PDGFRB: variants seen among roughly 807,000 people sequenced by gnomAD.
PDGFRB encodes the protein platelet derived growth factor receptor beta, also known as platelet-derived growth factor receptor beta.
Under a neutral mutation model 120.2 loss-of-function variants are expected in PDGFRB, and 42 were observed. The ratio of observed to expected loss-of-function variants is 0.35; its 90% CI spans 0.27 to 0.45. The LOEUF (loss-of-function observed/expected upper bound fraction) is 0.45. Ranked by LOEUF, PDGFRB falls within the 20% of genes least tolerant of loss-of-function variation. The probability of loss-of-function intolerance (pLI) is 1.00; values close to 1 mark genes in which losing one functional copy is unlikely to be tolerated. For missense variants in PDGFRB, 1,149 were observed against 1,476.3 expected (o/e 0.78, Z 3.63); for synonymous variants, 586 against 606.8 (o/e 0.97, Z 0.50).
At position 150,124,809 on chromosome 5, in the gene PDGFRB, G is replaced by A; in HGVS notation, c.1830C>T (p.Ala610=). The A allele has an allele frequency of 6.2e-7, 1 of 1,606,090 alleles. No homozygotes were observed. The highest frequency in any genetic ancestry group is 1.3e-5 in the African/African-American group (1 of 74,888). The change falls in exon 13 of 23, where the codon GCC becomes GCT. Residue 610 remains alanine (A), a synonymous_variant. Coordinates refer to ENST00000261799, the MANE Select transcript of PDGFRB (RefSeq NM_002609.4). ...CCGTGGCCTCCACCACCTGCCCAAA[G>A]GCCCCAGAGCCGAGGGTGCGTCCTG... ...LVLGRTLGSG[A]FGQVVEATAH...
intron 1 of PDGFRB, among the ~76,000 whole-genome samples, chr5:150,138,882 C>T (rs1394550288): frequency 1.3e-5 from 2 of 152,244 alleles, no homozygotes; most frequent in African/African-American, 4.8e-5. Flanking sequence ...TTCCCTGCCC[C>T]TCCTCTCCCA....
chr5:150,124,740 G>C lies in PDGFRB; in HGVS notation c.1899C>G (p.Val633=). 3 of 1,555,824 alleles carry C rather than the reference G, an allele frequency of 1.9e-6. No individual in the cohort carries two copies. Among genetic ancestry groups the C allele is most frequent in the Non-Finnish European group, 2.7e-6 (3 of 1,129,758 alleles). ...AGGACTACTCACATTTAAGCATCTT[G>C]ACGGCCACTTTCATCGTGGCCTGAG... The part of the protein sequence containing the change: ...SHSQATMKVA[V]KMLKSTARSS... Residue 633 remains valine (V), a synonymous_variant, in exon 13 of 23, where the codon GTC becomes GTG. Transcript: ENST00000261799.
Position 150,130,604 on chromosome 5 carries a change from G to C in PDGFRB, c.1302C>G (p.Val434=), listed in dbSNP as rs768678050. 3.7e-6 allele frequency: 6 copies of C among 1,612,766 alleles called. No homozygotes were observed. The Admixed American group carries it at 1.0e-4, about 27-fold the overall frequency. Residue 434 remains valine (V), a synonymous_variant, in exon 9 of 23, where the codon GTC becomes GTG. Coordinates refer to ENST00000261799, the MANE Select transcript of PDGFRB (RefSeq NM_002609.4). ...GGGGCATGCCCCGGCCACGACAGCG[G>C]ACTGTCTGTTCCCCACTGTCAGGGT... ...ESHPDSGEQT[V]RCRGRGMPQP...
At chr5:150,136,298 GTGGGAGAGAGA>G (rs1465492037) in intron 2 of PDGFRB, among the ~76,000 whole-genome samples, 1 of 152,222 alleles carries the variant, frequency 6.6e-6, no homozygotes, top group Non-Finnish European at 1.5e-5. Context: ...GTGGCTCTGG[GTGGGAGAGAGA>G]TGGGAGGGAG....
chr5:150,140,440 T>A (rs1760754094), intron 1 of PDGFRB, among the ~76,000 whole-genome samples: 1 of 152,182 alleles, frequency 6.6e-6, no homozygotes, highest in South Asian at 2.1e-4. Flanking sequence ...CACCCCTAGG[T>A]GTCCCCCTTT....
chr5:150,115,829 C>T lies in PDGFRB; in HGVS notation c.3255G>A (p.Glu1085=). 1 of 1,612,970 alleles carries T rather than the reference C, an allele frequency of 6.2e-7. No homozygotes were observed. The highest frequency in any genetic ancestry group is 8.5e-7 in the Non-Finnish European group (1 of 1,179,338). Residue 1085 remains glutamate (E), a synonymous_variant, in exon 23 of 23, where the codon GAG becomes GAA. Coordinates refer to ENST00000261799, the MANE Select transcript of PDGFRB (RefSeq NM_002609.4). The part of the protein sequence containing the change: ...QLELQVEPEP[E]LEQLPDSGCP... ...ACCCCGAATCCGGCAACTGTTCCAG[C>T]TCTGGCTCCGGCTCCACCTGGAGCT...
chr5:150,121,729 A>C lies in PDGFRB; in HGVS notation c.2344+151T>G. 7.6e-6 allele frequency: 5 copies of C among 657,046 alleles called. No individual in the cohort carries two copies. Among genetic ancestry groups the C allele is most frequent in the Non-Finnish European group, 1.1e-5 (4 of 369,514 alleles). 40.7% of individuals were successfully genotyped at this position (657,046 alleles called of 1,614,324 possible). On this transcript the variant is annotated intron_variant, in intron 16 of 22. Coordinates refer to ENST00000261799, the MANE Select transcript of PDGFRB (RefSeq NM_002609.4). The surrounding 1 kb of genome is among the most constrained non-coding windows in gnomAD (Gnocchi z 4.1). ...GGGCTTCCGTTTAGGGGTCCACTAC[A>C]GATCAGTTTTGGCCAGGTGGCTAGC...
Position 150,120,415 on chromosome 5 carries a change from A to AC in PDGFRB, c.2587-293dup, listed in dbSNP as rs959043171. ...GTGGGAGCCAGGGACTTGTCAAGGC[A>AC]CCCCCCAAGCTCTTATCCTGGCTGC... On this transcript the variant is annotated intron_variant, in intron 18 of 22. Coordinates refer to ENST00000261799, the MANE Select transcript of PDGFRB (RefSeq NM_002609.4). The surrounding 1 kb of genome is among the most constrained non-coding windows in gnomAD (Gnocchi z 4.3). Among the ~76,000 whole-genome samples the AC allele has an allele frequency of 2.6e-5, 4 of 151,862 alleles. No homozygotes were observed. Among genetic ancestry groups the AC allele is most frequent in the Middle Eastern group, 3.2e-3 (1 of 316 alleles).
intron 1 of PDGFRB, among the ~76,000 whole-genome samples, chr5:150,141,852 C>G (rs1760793592): frequency 6.6e-6 from 1 of 151,896 alleles, no homozygotes; most frequent in Admixed American, 6.6e-5. Context: ...TGCAACTGAG[C>G]AGGTTTAGGA....
At position 150,121,378 on chromosome 5, in the gene PDGFRB, A is replaced by AC; in HGVS notation, c.2345-57dup. The stretch of plus-strand genomic sequence containing the variant: ...CTTATATCTCCTTCTGGCCCACAGG[A>AC]CCCCTGCCCTTTGGCTCCTGGGAGA... On this transcript the variant is annotated intron_variant, in intron 16 of 22. Transcript: ENST00000261799. The surrounding 1 kb of genome is among the most constrained non-coding windows in gnomAD (Gnocchi z 4.1). The AC allele has an allele frequency of 1.2e-6, 1 of 852,400 alleles. No homozygotes were observed. The highest frequency in any genetic ancestry group is 2.1e-6 in the Non-Finnish European group (1 of 484,638). 52.8% of individuals were successfully genotyped at this position (852,400 alleles called of 1,614,324 possible).
At chr5:150,147,265 A>AC (rs1169335643) in intron 1 of PDGFRB, among the ~76,000 whole-genome samples, 1 of 150,776 alleles carries the variant, frequency 6.6e-6, no homozygotes, top group African/African-American at 2.4e-5. Flanking sequence ...CCCCATCCCC[A>AC]CCCCCCAGAG....
intron 14 of PDGFRB, among the ~76,000 whole-genome samples, chr5:150,123,703 A>C (rs1370721320): frequency 2.0e-5 from 3 of 152,262 alleles, no homozygotes; most frequent in Non-Finnish European, 4.4e-5. Context: ...AACGTGAATA[A>C]GTCTATGTAC....
At chr5:150,133,460 G>A in intron 6 of PDGFRB, 126 bp downstream of exon 6, 1 of 789,868 alleles carries the variant, frequency 1.3e-6, no homozygotes, top group Admixed American at 2.0e-5. Context: ...ACAGGCACTG[G>A]GTCCAGCTCA....
chr5:150,133,804 G>T (rs377743109), intron 5 of PDGFRB, 44 bp from the exon 6 acceptor site: 1 of 1,611,464 alleles, frequency 6.2e-7, no homozygotes, highest in South Asian at 1.1e-5. Flanking sequence ...AGGAGGGGCC[G>T]GGGAGAAATC....
chr5:150,154,143 G>A lies in PDGFRB; in HGVS notation c.-7+1254C>T, dbSNP rs75023798. ...TGCATGGCTAGCACTTGGAAGACAG[G>A]AAGAACCTAGGAAGGCTGCCTGGAA... On this transcript the variant is annotated intron_variant, in intron 1 of 22. Transcript: ENST00000261799. Among the ~76,000 whole-genome samples the A allele has an allele frequency of 2.2e-3, 329 of 152,238 alleles. 1 individual carries two copies. The highest frequency in any genetic ancestry group is 7.6e-3 in the African/African-American group (316 of 41,536).
chr5:150,129,961 G>T lies in PDGFRB; in HGVS notation c.1375C>A (p.Arg459Ser). Reference protein sequence around the residue: ...SACRDLKRCPRELPPTLLGNS... With the variant: ...SACRDLKRCPSELPPTLLGNS... ...CCCAGCAGCGTGGGCGGCAGCTCAC[G>T]TGGACACCTGCCAGGAGAGCCGGTA... The change falls in exon 10 of 23, where the codon CGT (arginine) becomes AGT (serine). Residue 459 changes from arginine (R) to serine (S), a missense_variant. By Grantham distance (110) the Arg-to-Ser change is moderately radical. Coordinates refer to ENST00000261799, the MANE Select transcript of PDGFRB (RefSeq NM_002609.4). The T allele has an allele frequency of 6.2e-7, 1 of 1,613,300 alleles. No individual in the cohort carries two copies. Among genetic ancestry groups the T allele is most frequent in the Non-Finnish European group, 8.5e-7 (1 of 1,179,768 alleles).
Position 150,117,800 on chromosome 5 carries a change from G to C in PDGFRB, c.2955C>G (p.Ile985Met), listed in dbSNP as rs1760008689. Reference protein sequence around the residue: ...EEFLRSDHPAILRSQARLPGF... With the variant: ...EEFLRSDHPAMLRSQARLPGF... ...CAGGCAAGCGGGCCTGGGACCGAAG[G>C]ATGGCTGGGTGGTCACTCCTCAGAA... Residue 985 changes from isoleucine (I) to methionine (M), a missense_variant, in exon 22 of 23, where the codon ATC becomes ATG. Coordinates refer to ENST00000261799, the MANE Select transcript of PDGFRB (RefSeq NM_002609.4). 1 of 1,613,892 alleles carries C rather than the reference G, an allele frequency of 6.2e-7. No individual in the cohort carries two copies. Among genetic ancestry groups the C allele is most frequent in the Non-Finnish European group, 8.5e-7 (1 of 1,179,844 alleles).
Position 150,114,980 on chromosome 5 carries a change from C to T in PDGFRB, c.*783G>A, listed in dbSNP as rs1759881038. The T allele has an allele frequency of 4.3e-6, 1 of 233,026 alleles. No homozygotes were observed. The highest frequency in any genetic ancestry group is 2.2e-5 in the African/African-American group (1 of 45,314). The allele number at this position is 233,026 out of a possible 1,614,324, so 14.4% of individuals were successfully genotyped here. On this transcript the variant is annotated 3_prime_UTR_variant, in exon 23 of 23. Transcript: ENST00000261799. ...TGCGGGGCCCGTCTGGCCTTCTAGA[C>T]TCTGGTGGATGGATTAAGACTGAGG...
intron 12 of PDGFRB, among the ~76,000 whole-genome samples, chr5:150,125,168 AC>A (rs1180328064): frequency 2.6e-5 from 4 of 152,096 alleles, no homozygotes; most frequent in Admixed American, 2.0e-4. Flanking sequence ...CCCCAGCCAG[AC>A]CAGGCCTGCT....
Sources: gnomAD v4.1 joint callset for allele counts (sites outside exome capture counted in the v4.1 genomes callset) on GRCh38, gnomAD v4.1.1 for gene constraint, Gnocchi (gnomAD v3.1) non-coding constraint, MANE v1.5 for transcripts, NCBI Gene and HGNC (gene_info 2026-07-23, HGNC 2026-07-21) for gene names.